The following BICRA variants were observed in gnomAD, a reference collection of about 807,000 sequenced individuals.
BICRA encodes BRD4 interacting chromatin remodeling complex associated protein.
In BICRA, 31 loss-of-function variants were observed where a neutral mutation model predicts 96.9. The ratio of observed to expected loss-of-function variants is 0.32; its 90% confidence interval spans 0.24 to 0.43. The LOEUF is 0.43. Ranked by LOEUF, BICRA falls within the 20% of genes least tolerant of loss-of-function variation. BICRA has a pLI of 1.00. For synonymous variants in BICRA, 1,350 were observed against 1,071.8 expected (o/e 1.26, Z -5.07); for missense variants, 2,283 against 2,190.3 (o/e 1.04, Z -0.84).
Position 47,679,479 on chromosome 19 carries a change from C to T in BICRA, c.309C>T (p.Ile103=), listed in dbSNP as rs1972993693. 4 of 1,537,410 alleles carry T rather than the reference C, an allele frequency of 2.6e-6. No homozygotes were observed. The highest frequency in any genetic ancestry group is 3.5e-6 in the Non-Finnish European group (4 of 1,141,514). The change falls in exon 6 of 15, where the codon ATC becomes ATT. Residue 103 remains isoleucine (I), a synonymous_variant. Transcript: ENST00000594866. ...GSGGADQPCD[I]LQQSLQEANI... ...GGGGCGCTGACCAGCCCTGTGACATCCTCCAGCAGAGCCTCCAAGAGGCCA... is the reference window on the plus strand; with the variant it reads ...GGGGCGCTGACCAGCCCTGTGACATTCTCCAGCAGAGCCTCCAAGAGGCCA...
chr19:47,629,204 C>T lies in BICRA; in HGVS notation c.-108+20036C>T, dbSNP rs182752689. Among the ~76,000 whole-genome samples, 17 of 151,756 alleles carry T rather than the reference C, an allele frequency of 1.1e-4. No individual in the cohort carries two copies. The East Asian group carries it at 3.0e-3, about 26-fold the overall frequency. On this transcript the variant is annotated intron_variant, in intron 1 of 14. Coordinates refer to ENST00000594866, the MANE Select transcript of BICRA (RefSeq NM_001394372.1). ...GTTTTTAGTAGAGACGGGGTTTCAC[C>T]GTGTTAGCCAGGATAGTCTCAATCT...
At chr19:47,616,696 T>A (rs1218608225) in intron 1 of BICRA, among the ~76,000 whole-genome samples, 2 of 152,018 alleles carry the variant, frequency 1.3e-5, no homozygotes, top group Non-Finnish European at 2.9e-5. Flanking sequence ...TTTCCTCTTC[T>A]GTAACAGAGC....
chr19:47,668,534 T>C (rs1034809613), intron 1 of BICRA, among the ~76,000 whole-genome samples: 6 of 147,090 alleles, frequency 4.1e-5, no homozygotes, highest in Non-Finnish European at 8.9e-5. Flanking sequence ...TCACCAAGGC[T>C]GAAGTGCAAG....
intron 1 of BICRA, among the ~76,000 whole-genome samples, chr19:47,665,036 C>G (rs537146421): frequency 2.0e-5 from 3 of 150,466 alleles, no homozygotes; most frequent in African/African-American, 7.3e-5. Context: ...CACCCCCCCG[C>G]CCCCCCACTC....
chr19:47,677,310 A>G (rs1717122323), intron 5 of BICRA, among the ~76,000 whole-genome samples: 2 of 152,210 alleles, frequency 1.3e-5, no homozygotes, highest in African/African-American at 4.8e-5. Flanking sequence ...TCTGTATCAT[A>G]AGTATTGTTT....
chr19:47,637,787 C>G (rs886844704), intron 1 of BICRA, among the ~76,000 whole-genome samples: 1 of 152,148 alleles, frequency 6.6e-6, no homozygotes, highest in African/African-American at 2.4e-5. Context: ...TAAACATGAT[C>G]GTACACTAGC....
rs890080763 is a variant in BICRA, at chr19:47,698,180, A to G, written c.3249-454A>G. Among the ~76,000 whole-genome samples the G allele has an allele frequency of 6.6e-6, 1 of 151,770 alleles. No homozygotes were observed. The highest frequency in any genetic ancestry group is 2.4e-5 in the African/African-American group (1 of 41,374). ...GACAGTCACACTGCCAACAGACAAAACCCATTGTAACATGGGCTACAAAAG... is the reference window on the plus strand; with the variant it reads ...GACAGTCACACTGCCAACAGACAAAGCCCATTGTAACATGGGCTACAAAAG... On this transcript the variant is annotated intron_variant, in intron 11 of 14. Coordinates refer to ENST00000594866, the MANE Select transcript of BICRA (RefSeq NM_001394372.1). The surrounding 1 kb of genome is among the most constrained non-coding windows in gnomAD (Gnocchi z 4.8).
At chr19:47,667,671 G>A (rs1186781698) in intron 1 of BICRA, among the ~76,000 whole-genome samples, 1 of 152,144 alleles carries the variant, frequency 6.6e-6, no homozygotes. Flanking sequence ...ATCGGGACCT[G>A]AGAGGAAGAG....
chr19:47,628,415 T>TA (rs1402196027), intron 1 of BICRA, among the ~76,000 whole-genome samples: 2 of 152,218 alleles, frequency 1.3e-5, no homozygotes, highest in Non-Finnish European at 1.5e-5. Context: ...GTTTCTGAGT[T>TA]ACTTTCAAGG....
intron 6 of BICRA, 113 bp downstream of exon 6, chr19:47,681,389 G>C: frequency 1.1e-6 from 1 of 940,968 alleles, no homozygotes; most frequent in Non-Finnish European, 1.6e-6. Context: ...GGCAGCTGGG[G>C]GGGGAAGGTC....
chr19:47,662,906 A>G (rs1972724371), intron 1 of BICRA: 1 of 152,178 alleles, frequency 6.6e-6, no homozygotes. Context: ...CTCTCTTCTT[A>G]ATCAGTGACC....
chr19:47,700,997 C>G (rs1973432477), intron 14 of BICRA: 1 of 388,696 alleles, frequency 2.6e-6, no homozygotes, highest in Non-Finnish European at 4.7e-6. Context: ...AGGCAGGTCT[C>G]AAACTCCTGG....
At chr19:47,685,786 T>TGTGTGTGTGTGTGCGCGCGCGCGCGCGC in intron 7 of BICRA, among the ~76,000 whole-genome samples, 3 of 117,930 alleles carry the variant, frequency 2.5e-5, no homozygotes, top group East Asian at 3.5e-4. Flanking sequence ...TGTGTGTGTG[T>TGTGTGTGTGTGTGCGCGCGCGCGCGCGC]GCGCGCGCGC....
At chr19:47,617,473 C>T (rs756308271) in intron 1 of BICRA, among the ~76,000 whole-genome samples, 43 of 152,034 alleles carry the variant, frequency 2.8e-4, no homozygotes, top group Non-Finnish European at 4.4e-4. Flanking sequence ...CAGCAGTTCT[C>T]GTGCCTCAGT....
chr19:47,649,041 C>T (rs1226728878), intron 1 of BICRA, among the ~76,000 whole-genome samples: 3 of 151,970 alleles, frequency 2.0e-5, no homozygotes, highest in Admixed American at 6.6e-5. Flanking sequence ...TTAGTACAGA[C>T]GGGGTTTCAC....
intron 1 of BICRA, chr19:47,616,120 G>T (rs1379134880): frequency 6.6e-6 from 1 of 152,398 alleles, no homozygotes; most frequent in Admixed American, 6.5e-5. Flanking sequence ...TCCCTGTACC[G>T]TGCCTCAGTT....
intron 7 of BICRA, among the ~76,000 whole-genome samples, chr19:47,693,855 T>C (rs1035130931): frequency 6.6e-6 from 1 of 151,370 alleles, no homozygotes; most frequent in African/African-American, 2.4e-5. Context: ...GGGGCAGAAG[T>C]GGGGTTGAGA....
At position 47,628,124 on chromosome 19, in the gene BICRA, T is replaced by C. The variant is rs148446920; in HGVS notation, c.-108+18956T>C. Among the ~76,000 whole-genome samples the C allele has an allele frequency of 6.1e-3, 935 of 152,294 alleles. 8 individuals are homozygous for C. The highest frequency in any genetic ancestry group is 0.022 in the African/African-American group (895 of 41,560). On this transcript the variant is annotated intron_variant, in intron 1 of 14. Coordinates refer to ENST00000594866, the MANE Select transcript of BICRA (RefSeq NM_001394372.1). ...GTGGAGTGACTGGCACATGACAACATGACAAGGACTTTGTCATTGCTGGTT... is the reference window on the plus strand; with the variant it reads ...GTGGAGTGACTGGCACATGACAACACGACAAGGACTTTGTCATTGCTGGTT...
chr19:47,695,620 G>A (rs545952066), intron 10 of BICRA, 146 bp downstream of exon 10: 23 of 609,878 alleles, frequency 3.8e-5, no homozygotes, highest in Admixed American at 1.4e-4. Context: ...ACGAACAGCC[G>A]TGCAGGGACA....
Sources: gnomAD v4.1 joint callset for allele counts (sites outside exome capture counted in the v4.1 genomes callset) on GRCh38, gnomAD v4.1.1 for gene constraint, Gnocchi (gnomAD v3.1) non-coding constraint, MANE v1.5 for transcripts, NCBI Gene and HGNC (gene_info 2026-07-23, HGNC 2026-07-21) for gene names.